Variants in CSNK2A2IP observed in about 807,000 individuals in gnomAD.
CSNK2A2IP encodes casein kinase 2 subunit alpha' interacting protein, also known as casein kinase II subunit alpha'-interacting protein.
chr3:88,445,983 TTTC>T, the CSNK2A2IP span, among the ~76,000 whole-genome samples: 78 of 150,168 alleles, frequency 5.2e-4, 1 homozygote, highest in East Asian at 0.012. Flanking sequence ...TCTCTCTTTC[TTTC>T]TTTTTTCTTT....
chr3:88,439,476 G>A, the CSNK2A2IP span, among the ~76,000 whole-genome samples: 2 of 152,174 alleles, frequency 1.3e-5, no homozygotes, highest in East Asian at 3.9e-4. Flanking sequence ...AGGCGTGGTG[G>A]CTCATGCCTG....
the CSNK2A2IP span, among the ~76,000 whole-genome samples, chr3:88,448,456 C>T: frequency 6.6e-6 from 1 of 152,112 alleles, no homozygotes; most frequent in Non-Finnish European, 1.5e-5. Context: ...CCTAGTTTGC[C>T]TGTGGTTGCT....
chr3:88,338,462 C>G, the CSNK2A2IP span: 2 of 152,120 alleles, frequency 1.3e-5, no homozygotes, highest in Admixed American at 1.3e-4. Flanking sequence ...GTTCACACTC[C>G]ACACCCTCAT....
At chr3:88,392,886 G>C in the CSNK2A2IP span, among the ~76,000 whole-genome samples, 2 of 152,098 alleles carry the variant, frequency 1.3e-5, no homozygotes, top group Non-Finnish European at 2.9e-5. Context: ...CTTTAAAGCA[G>C]GTGGGATGGA....
At chr3:88,418,461 T>TGCGCGCGC in the CSNK2A2IP span, among the ~76,000 whole-genome samples, 1,273 of 75,850 alleles carry the variant, frequency 0.017, 10 homozygotes, top group African/African-American at 0.043. Flanking sequence ...TGTGTGTGTG[T>TGCGCGCGC]GTGCGCGCGG....
At chr3:88,452,081 G>T in the CSNK2A2IP span, among the ~76,000 whole-genome samples, 1 of 151,990 alleles carries the variant, frequency 6.6e-6, no homozygotes, top group African/African-American at 2.4e-5. Flanking sequence ...TGAGAGGAAA[G>T]AATAATTGCT....
chr3:88,358,873 C>T, the CSNK2A2IP span, among the ~76,000 whole-genome samples: 1 of 151,802 alleles, frequency 6.6e-6, no homozygotes, highest in Admixed American at 6.6e-5. Context: ...ATTTCCTCCT[C>T]CTGGATTTTT....
chr3:88,364,217 C>T, the CSNK2A2IP span, among the ~76,000 whole-genome samples: 1 of 151,778 alleles, frequency 6.6e-6, no homozygotes, highest in Non-Finnish European at 1.5e-5. Flanking sequence ...CTCGGGGATC[C>T]CTGTAATTTG....
chr3:88,445,550 A>G, the CSNK2A2IP span, among the ~76,000 whole-genome samples: 2 of 152,064 alleles, frequency 1.3e-5, no homozygotes, highest in African/African-American at 4.8e-5. Context: ...CTTTGAAAAG[A>G]TATCTTATTA....
the CSNK2A2IP span, among the ~76,000 whole-genome samples, chr3:88,386,919 A>G: frequency 1.3e-5 from 2 of 152,200 alleles, no homozygotes; most frequent in African/African-American, 2.4e-5. Flanking sequence ...CACCACTAAT[A>G]AAGTCATGCA....
chr3:88,369,179 C>T, the CSNK2A2IP span, among the ~76,000 whole-genome samples: 1 of 151,894 alleles, frequency 6.6e-6, no homozygotes, highest in Non-Finnish European at 1.5e-5. Flanking sequence ...ATGGCTATAG[C>T]ATAGTGAACA....
chr3:88,460,548 A>C, the CSNK2A2IP span, among the ~76,000 whole-genome samples: 1 of 151,988 alleles, frequency 6.6e-6, no homozygotes, highest in Non-Finnish European at 1.5e-5. Flanking sequence ...TTTGTTTCGG[A>C]TGTGTCTTTT....
At chr3:88,443,311 C>A in the CSNK2A2IP span, among the ~76,000 whole-genome samples, 2 of 152,074 alleles carry the variant, frequency 1.3e-5, no homozygotes, top group East Asian at 1.9e-4. Flanking sequence ...TTGTTGACAG[C>A]AATTTTTGAT....
At chr3:88,467,149 T>C in the CSNK2A2IP span, 6 of 407,996 alleles carry the variant, frequency 1.5e-5, no homozygotes, top group African/African-American at 1.2e-4. Context: ...CTGGCTGTTT[T>C]ATGTTAAAAA....
chr3:88,404,185 A>G, the CSNK2A2IP span, among the ~76,000 whole-genome samples: 1 of 152,126 alleles, frequency 6.6e-6, no homozygotes, highest in Middle Eastern at 3.2e-3. Flanking sequence ...AGAAGCCCAT[A>G]GACAATTGTC....
the CSNK2A2IP span, among the ~76,000 whole-genome samples, chr3:88,408,154 AG>A: frequency 6.1e-4 from 93 of 152,354 alleles, no homozygotes; most frequent in Admixed American, 3.9e-3. Context: ...CCCAGAGAAA[AG>A]AAATAGAAGT....
At chr3:88,348,095 G>A in the CSNK2A2IP span, among the ~76,000 whole-genome samples, 2 of 151,874 alleles carry the variant, frequency 1.3e-5, no homozygotes, top group Non-Finnish European at 2.9e-5. Flanking sequence ...TGGGGCCTTC[G>A]CTTTATTTCA....
At chr3:88,447,551 A>G in the CSNK2A2IP span, among the ~76,000 whole-genome samples, 3 of 152,156 alleles carry the variant, frequency 2.0e-5, no homozygotes, top group African/African-American at 7.2e-5. Flanking sequence ...ATTATGGGCT[A>G]TGGACATTGA....
chr3:88,412,525 T>C, the CSNK2A2IP span, among the ~76,000 whole-genome samples: 1 of 152,080 alleles, frequency 6.6e-6, no homozygotes, highest in East Asian at 1.9e-4. Flanking sequence ...GATTTAAGTA[T>C]GCTTGGGTAC....
Sources: gnomAD v4.1 joint callset for allele counts (sites outside exome capture counted in the v4.1 genomes callset) on GRCh38, gnomAD v4.1.1 for gene constraint, MANE v1.5 for transcripts, NCBI Gene and HGNC (gene_info 2026-07-23, HGNC 2026-07-21) for gene names.